Variants in CSMD1 observed in about 807,000 individuals in gnomAD.
CSMD1 encodes CUB and sushi domain-containing protein 1.
Under a neutral mutation model 417.5 loss-of-function variants are expected in CSMD1, and 213 were observed. The ratio of observed to expected loss-of-function variants is 0.51; its 90% CI spans 0.46 to 0.57. The LOEUF is 0.57. Among genes scored for constraint, CSMD1 ranks in the 20% least tolerant of loss-of-function variants. CSMD1 has a pLI of 0.00. For missense variants in CSMD1, 6,923 were observed against 4,529.7 expected (o/e 1.53, Z -15.17); for synonymous variants, 2,862 against 1,736.8 (o/e 1.65, Z -16.11).
chr8:4,856,670 G>A (rs879447461), intron 1 of CSMD1, among the ~76,000 whole-genome samples: 4 of 148,446 alleles, frequency 2.7e-5, no homozygotes, highest in African/African-American at 5.1e-5. Context: ...AGACAAAGAA[G>A]GCCATTACAT....
chr8:3,189,484 G>A (rs1348070573), intron 34 of CSMD1, among the ~76,000 whole-genome samples: 3 of 152,166 alleles, frequency 2.0e-5, no homozygotes, highest in Admixed American at 1.3e-4. Flanking sequence ...CACACAAAAT[G>A]AAGCAGGTAA....
intron 25 of CSMD1, among the ~76,000 whole-genome samples, chr8:3,306,905 A>AACTC (rs1420729203): frequency 1.3e-5 from 2 of 151,906 alleles, no homozygotes; most frequent in Admixed American, 6.6e-5. Flanking sequence ...CATAACTCAG[A>AACTC]ACTCACTATT....
chr8:3,732,299 C>T (rs1300085994), intron 6 of CSMD1, among the ~76,000 whole-genome samples: 1 of 152,180 alleles, frequency 6.6e-6, no homozygotes, highest in African/African-American at 2.4e-5. Flanking sequence ...AATCTTTCCG[C>T]TAAAAATAAT....
chr8:4,595,289 G>A (rs1271194439), intron 2 of CSMD1, among the ~76,000 whole-genome samples: 1 of 151,728 alleles, frequency 6.6e-6, no homozygotes, highest in African/African-American at 2.4e-5. Context: ...TAAATAAAAA[G>A]GAAAGAGTAG....
intron 49 of CSMD1, among the ~76,000 whole-genome samples, chr8:3,073,782 T>A (rs1050771723): frequency 7.5e-6 from 1 of 132,620 alleles, no homozygotes; most frequent in African/African-American, 2.7e-5. Flanking sequence ...AATATAATGG[T>A]CAAAAAATTA....
intron 5 of CSMD1, among the ~76,000 whole-genome samples, chr8:3,962,855 T>G (rs552598424): frequency 2.9e-4 from 44 of 152,304 alleles, no homozygotes; most frequent in Admixed American, 5.2e-4. Context: ...CAGACATGAT[T>G]TCTATTATTC....
rs542382256 is a variant in CSMD1 at position 4,282,451 on chromosome 8, G to A, written c.415+137502C>T. The stretch of plus-strand genomic sequence containing the variant: ...TCCAAGCAAGGTCCTATTGCCAGAG[G>A]ACGGAATGGTGCCATTTTTGCTTAT... On this transcript the variant is annotated intron_variant, in intron 3 of 69. Coordinates refer to ENST00000635120, the MANE Select transcript of CSMD1 (RefSeq NM_033225.6). 2.0e-4 allele frequency among the ~76,000 whole-genome samples: 31 copies of A among 152,276 alleles called. No individual in the cohort carries two copies. The South Asian group carries it at 3.3e-3, about 16-fold the overall frequency.
At chr8:4,923,405 A>C (rs1173691830) in intron 1 of CSMD1, among the ~76,000 whole-genome samples, 1 of 152,176 alleles carries the variant, frequency 6.6e-6, no homozygotes, top group African/African-American at 2.4e-5. Context: ...TGATACTCAA[A>C]GGATAAATGT....
At chr8:4,643,274 G>A (rs539603048) in intron 1 of CSMD1, among the ~76,000 whole-genome samples, 3 of 152,246 alleles carry the variant, frequency 2.0e-5, no homozygotes, top group East Asian at 1.9e-4. Flanking sequence ...GGGCAGTGTC[G>A]ATCCTTTTAC....
chr8:3,509,017 G>A (rs918424074), intron 10 of CSMD1, among the ~76,000 whole-genome samples: 1 of 152,184 alleles, frequency 6.6e-6, no homozygotes, highest in Non-Finnish European at 1.5e-5. Context: ...TTTGTCTCTT[G>A]CAAGCTATCT....
intron 5 of CSMD1, among the ~76,000 whole-genome samples, chr8:3,981,350 G>C (rs142262804): frequency 6.6e-6 from 1 of 152,182 alleles, no homozygotes; most frequent in East Asian, 1.9e-4. Context: ...CAGGGGAAGA[G>C]TGGAAGGGGG....
intron 5 of CSMD1, among the ~76,000 whole-genome samples, chr8:3,848,430 T>A (rs980925563): frequency 1.1e-4 from 17 of 152,232 alleles, no homozygotes; most frequent in African/African-American, 4.1e-4. Context: ...AATTAGGAGT[T>A]ATTTCAACTA....
chr8:4,370,988 G>C (rs1463809909), intron 3 of CSMD1, among the ~76,000 whole-genome samples: 3 of 152,202 alleles, frequency 2.0e-5, no homozygotes, highest in Admixed American at 2.0e-4. Context: ...TTGGAGGCAA[G>C]AAGACACACT....
intron 2 of CSMD1, among the ~76,000 whole-genome samples, chr8:4,569,291 T>A (rs1213824445): frequency 2.6e-5 from 4 of 152,330 alleles, no homozygotes; most frequent in African/African-American, 9.6e-5. Flanking sequence ...AACATTTAAG[T>A]CTTTAATCCA....
intron 3 of CSMD1, among the ~76,000 whole-genome samples, chr8:4,155,601 A>G (rs893974170): frequency 2.0e-5 from 3 of 152,188 alleles, no homozygotes; most frequent in Non-Finnish European, 4.4e-5. Flanking sequence ...TTTTTCAGAT[A>G]GAGACAAGGT....
intron 4 of CSMD1, among the ~76,000 whole-genome samples, chr8:4,008,982 C>T (rs191037005): frequency 2.0e-5 from 3 of 152,068 alleles, no homozygotes; most frequent in African/African-American, 7.2e-5. Context: ...ACAGCAAAAT[C>T]GTCAGTGGGT....
intron 5 of CSMD1, among the ~76,000 whole-genome samples, chr8:3,844,981 G>C (rs1021459311): frequency 1.3e-5 from 2 of 152,128 alleles, no homozygotes; most frequent in Non-Finnish European, 2.9e-5. Flanking sequence ...GTGATATGCA[G>C]ATACTGCACA....
chr8:3,927,250 A>G lies in CSMD1; in HGVS notation c.818+70653T>C, dbSNP rs1188325539. On this transcript the variant is annotated intron_variant, in intron 5 of 69. Coordinates refer to ENST00000635120, the MANE Select transcript of CSMD1 (RefSeq NM_033225.6). ...TTCTTTATATTATTCCAACAATTAC[A>G]AATAAATATATAGCAGACATAAGCT... is the stretch of plus-strand genomic sequence containing the variant. 5.9e-5 allele frequency among the ~76,000 whole-genome samples: 9 copies of G among 152,062 alleles called. No homozygotes were observed. In the South Asian group the frequency reaches 1.9e-3, roughly 31 times the overall value.
At chr8:4,155,192 C>G (rs1160244215) in intron 3 of CSMD1, among the ~76,000 whole-genome samples, 2 of 152,152 alleles carry the variant, frequency 1.3e-5, no homozygotes, top group African/African-American at 4.8e-5. Context: ...CAGGATTGTC[C>G]TTTTGCAGTT....
Sources: gnomAD v4.1 joint callset for allele counts (sites outside exome capture counted in the v4.1 genomes callset) on GRCh38, gnomAD v4.1.1 for gene constraint, MANE v1.5 for transcripts, NCBI Gene and HGNC (gene_info 2026-07-23, HGNC 2026-07-21) for gene names.